Variants in KRT15 observed in about 807,000 individuals in gnomAD.
The protein encoded by KRT15 is keratin 15, also known as keratin, type I cytoskeletal 15.
Under a neutral mutation model 46.6 loss-of-function variants are expected in KRT15, and 45 were observed. That is an observed-to-expected ratio of 0.97 (90% CI 0.76 to 1.24). KRT15 has a LOEUF of 1.24. Ranked by LOEUF, KRT15 falls within the 50% of genes most tolerant of loss-of-function variation. KRT15 has a pLI of 0.00. For synonymous variants in KRT15, 221 were observed against 233.8 expected (o/e 0.95, Z 0.50); for missense variants, 592 against 588.9 (o/e 1.01, Z -0.05).
chr17:41,515,792 T>G lies in KRT15; in HGVS notation c.1026+93A>C, dbSNP rs541758777. On this transcript the variant is annotated intron_variant, in intron 5 of 7. Coordinates refer to ENST00000254043, the MANE Select transcript of KRT15 (RefSeq NM_002275.4). ...GAATGGAGTTCAGGGAACCACCTCTTGAGGGGGCTTGAGAACTCCAAGGCT... is the reference window on the plus strand; with the variant it reads ...GAATGGAGTTCAGGGAACCACCTCTGGAGGGGGCTTGAGAACTCCAAGGCT... 6.9e-6 allele frequency: 11 copies of G among 1,603,920 alleles called. No homozygotes were observed. In the South Asian group the frequency reaches 7.7e-5, roughly 11 times the overall value.
rs1905406038 is a variant in KRT15, at chr17:41,516,966, T to G, written c.582-2A>C. 1.2e-6 allele frequency: 2 copies of G among 1,614,150 alleles called. No homozygotes were observed. The highest frequency in any genetic ancestry group is 8.5e-7 in the Non-Finnish European group (1 of 1,180,018). ...CGCAGGGCCAGCTCATTCTCATACC[T>G]GAGGAGAGGGAGGCCAAAGAAGGAA... On this transcript the variant is annotated splice_acceptor_variant, in intron 2 of 7. Transcript: ENST00000254043. LOFTEE classifies it high-confidence loss of function.
Position 41,516,966 on chromosome 17 carries a change from TGAG to T in KRT15, c.582-5_582-3del. On this transcript the variant is annotated splice_polypyrimidine_tract_variant and splice_region_variant and intron_variant, in intron 2 of 7. Transcript: ENST00000254043. ...CGCAGGGCCAGCTCATTCTCATACCTGAGGAGAGGGAGGCCAAAGAAGGAAGTG... is the reference window on the plus strand; with the variant it reads ...CGCAGGGCCAGCTCATTCTCATACCTGAGAGGGAGGCCAAAGAAGGAAGTG... The T allele has an allele frequency of 6.2e-7, 1 of 1,614,150 alleles. No homozygotes were observed.
chr17:41,514,055 G>C lies in KRT15; in HGVS notation c.1339C>G (p.Gln447Glu). 6.2e-7 allele frequency: 1 copy of C among 1,613,928 alleles called. No homozygotes were observed. The highest frequency in any genetic ancestry group is 1.1e-5 in the South Asian group (1 of 91,088). The change falls in exon 8 of 8, where the codon CAG (glutamine) becomes GAG (glutamate). Residue 447 changes from glutamine to glutamate, a missense_variant. Gln to Glu is a conservative substitution (Grantham distance 29). Transcript: ENST00000254043. ...HINVEESVDG[Q>E]VVSSHKREI ...TCTCTCTTGTGGGAAGAAACCACCT[G>C]TCCATCCACTGACTCTTCTACATTG... is the stretch of plus-strand genomic sequence containing the variant.
chr17:41,515,794 A>C, intron 5 of KRT15, 91 bp downstream of exon 5: 1 of 1,604,270 alleles, frequency 6.2e-7, no homozygotes, highest in Non-Finnish European at 8.5e-7. Flanking sequence ...CCACCTCTTG[A>C]GGGGGCTTGA....
chr17:41,518,199 T>C, intron 1 of KRT15, 131 bp downstream of exon 1: 1 of 1,083,726 alleles, frequency 9.2e-7, no homozygotes, highest in East Asian at 2.5e-5. Context: ...CCAAATTTGC[T>C]GAGATTACAT....
At chr17:41,516,318 G>C in intron 3 of KRT15, 53 bp from the exon 4 acceptor site, 1 of 1,563,088 alleles carries the variant, frequency 6.4e-7, no homozygotes, top group Non-Finnish European at 8.7e-7. Flanking sequence ...AGAGACCTGA[G>C]AGTCTGGCGT....
chr17:41,514,587 G>A, intron 7 of KRT15, 62 bp downstream of exon 7: 1 of 1,491,182 alleles, frequency 6.7e-7, no homozygotes, highest in East Asian at 2.3e-5. Flanking sequence ...CTATTCCGAA[G>A]GGGGTGGTGG....
At chr17:41,514,575 C>T (rs1404117031) in intron 7 of KRT15, 74 bp downstream of exon 7, 9 of 1,415,800 alleles carry the variant, frequency 6.4e-6, no homozygotes, top group Non-Finnish European at 9.0e-6. Context: ...TCTCCTTCCT[C>T]CCTATTCCGA....
At chr17:41,517,834 T>C (rs954028788) in intron 1 of KRT15, among the ~76,000 whole-genome samples, 10 of 152,150 alleles carry the variant, frequency 6.6e-5, no homozygotes, top group Admixed American at 5.9e-4. Flanking sequence ...GGTAAAGGAA[T>C]ACTTTATGCA....
At chr17:41,514,720 A>T (rs56224055) in intron 6 of KRT15, 46 bp from the exon 7 acceptor site, 44,910 of 1,605,014 alleles carry the variant, frequency 0.028, 789 homozygotes, top group Non-Finnish European at 0.032. Flanking sequence ...CACAAGCTCA[A>T]GTGTCCGTAA....
intron 7 of KRT15, chr17:41,514,409 G>T: frequency 1.7e-6 from 1 of 598,254 alleles, no homozygotes; most frequent in Non-Finnish European, 3.0e-6. Context: ...GATGGGGCCT[G>T]GGGGAGAGAC....
chr17:41,514,544 T>C (rs1905266740), intron 7 of KRT15, 105 bp downstream of exon 7: 1 of 1,064,714 alleles, frequency 9.4e-7, no homozygotes, highest in South Asian at 1.3e-5. Flanking sequence ...TGTTCCCACC[T>C]AATGGGATGT....
Position 41,518,420 on chromosome 17 carries a change from C to T in KRT15, c.408G>A (p.Lys136=). 6.2e-7 allele frequency: 1 copy of T among 1,614,120 alleles called. No individual in the cohort carries two copies. Among genetic ancestry groups the T allele is most frequent in the South Asian group, 1.1e-5 (1 of 91,080 alleles). Residue 136 remains lysine (K), a synonymous_variant, in exon 1 of 8, where the codon AAG becomes AAA. Transcript: ENST00000254043. ...TCTGCTTCTGGTACCAGTCATGGAT[C>T]TTCACCTCCAGGTCAGCATTGGCCT... The part of the protein sequence containing the change: ...LEEANADLEV[K]IHDWYQKQTP...
chr17:41,514,782 C>A, intron 6 of KRT15, 108 bp from the exon 7 acceptor site: 2 of 1,129,804 alleles, frequency 1.8e-6, no homozygotes, highest in Admixed American at 1.9e-5. Flanking sequence ...TACACCACCA[C>A]CACCCACACA....
rs767543348 is a variant in KRT15 at position 41,516,221 on chromosome 17, C to G, written c.783G>C (p.Val261=). 2 of 1,614,150 alleles carry G rather than the reference C, an allele frequency of 1.2e-6. No homozygotes were observed. Among genetic ancestry groups the G allele is most frequent in the Non-Finnish European group, 1.7e-6 (2 of 1,180,018 alleles). The change falls in exon 4 of 8, where the codon GTG becomes GTC. Residue 261 remains valine (V), a synonymous_variant. Transcript: ENST00000254043. ...CCACACCCGGTGCTGCGTCCATCTC[C>G]ACATTGACCTGGCCGGCCAGCTGGC... ...FSSQLAGQVN[V]EMDAAPGVDL...
chr17:41,517,117 T>C lies in KRT15; in HGVS notation c.547A>G (p.Asn183Asp). Residue 183 changes from asparagine to aspartate, a missense_variant, in exon 2 of 8, where the codon AAT becomes GAT. By Grantham distance (23) the Asn-to-Asp change is conservative (BLOSUM62 1). Coordinates refer to ENST00000254043, the MANE Select transcript of KRT15 (RefSeq NM_002275.4). ...DNSRVILEID[N>D]ARLAADDFRL... ...AAGTCGTCCGCAGCCAGCCTGGCAT[T>C]GTCGATCTCCAGGATGACCCGGGAG... 9 of 1,614,128 alleles carry C rather than the reference T, an allele frequency of 5.6e-6. No individual in the cohort carries two copies. The highest frequency in any genetic ancestry group is 7.6e-6 in the Non-Finnish European group (9 of 1,180,016).
At position 41,515,925 on chromosome 17, in the gene KRT15, A is replaced by G. The variant is rs1383596251; in HGVS notation, c.986T>C (p.Met329Thr). The change falls in exon 5 of 8, where the codon ATG becomes ACG. Residue 329 changes from methionine (M) to threonine (T), a missense_variant. Coordinates refer to ENST00000254043, the MANE Select transcript of KRT15 (RefSeq NM_002275.4). ...CTGCAGCTCGATCTCCAGCTCCTGC[A>G]TCGTGCGTCTCAGGTCTGTGATCTC... ...KTEITDLRRTMQELEIELQSQ... is the reference protein window; with the variant it reads ...KTEITDLRRTTQELEIELQSQ... The G allele has an allele frequency of 1.9e-6, 3 of 1,614,000 alleles. No individual in the cohort carries two copies. The highest frequency in any genetic ancestry group is 1.7e-6 in the Non-Finnish European group (2 of 1,180,010).
At chr17:41,514,505 C>A in intron 7 of KRT15, 144 bp downstream of exon 7, 1 of 728,968 alleles carries the variant, frequency 1.4e-6, no homozygotes, top group Non-Finnish European at 2.3e-6. Context: ...GAAGTTCCCA[C>A]TGGGGAAGAG....
Position 41,514,049 on chromosome 17 carries a change from C to A in KRT15, c.1345G>T (p.Val449Phe), listed in dbSNP as rs1905247997. 1.2e-5 allele frequency: 19 copies of A among 1,613,846 alleles called. No individual in the cohort carries two copies. The highest frequency in any genetic ancestry group is 1.5e-5 in the Non-Finnish European group (18 of 1,179,706). ...NVEESVDGQVVSSHKREI is the reference protein window; with the variant it reads ...NVEESVDGQVFSSHKREI ...TAGATTTCTCTCTTGTGGGAAGAAA[C>A]CACCTGTCCATCCACTGACTCTTCT... is the stretch of plus-strand genomic sequence containing the variant. Residue 449 changes from valine (V) to phenylalanine (F), a missense_variant, in exon 8 of 8, where the codon GTT becomes TTT. Physicochemically the swap from Val to Phe is conservative, Grantham distance 50. Transcript: ENST00000254043.
Sources: allele counts gnomAD v4.1 joint callset (sites outside exome capture counted in the v4.1 genomes callset), GRCh38; gene constraint gnomAD v4.1.1; transcripts MANE v1.5; gene names NCBI Gene and HGNC (gene_info 2026-07-23, HGNC 2026-07-21).